CPM: variants seen among roughly 807,000 people sequenced by gnomAD.
CPM encodes carboxypeptidase M, also known as renal carboxypeptidase.
In CPM, 35 loss-of-function variants were observed where a neutral mutation model predicts 46.4. The ratio of observed to expected loss-of-function variants is 0.75; its 90% confidence interval spans 0.58 to 1.00. CPM has a LOEUF of 1.00. CPM is among the 50% of genes least tolerant of loss of function. The pLI is 0.00. For missense variants in CPM, 422 were observed against 530.4 expected, an observed-to-expected ratio of 0.80 and a Z score of 2.01; for synonymous variants, 195 against 195.3, an observed-to-expected ratio of 1.00 and a Z score of 0.01.
intron 1 of CPM, among the ~76,000 whole-genome samples, chr12:68,942,409 G>A (rs140680215): frequency 7.4e-4 from 113 of 152,264 alleles, no homozygotes; most frequent in African/African-American, 2.3e-3. Context: ...ATCAAAAAGC[G>A]TACCATAGGA....
At chr12:68,929,186 G>A (rs1469054498) in intron 2 of CPM, among the ~76,000 whole-genome samples, 3 of 152,102 alleles carry the variant, frequency 2.0e-5, no homozygotes, top group Middle Eastern at 3.2e-3. Context: ...TGTGTGTGGA[G>A]AGACTACCCT....
At chr12:68,904,030 G>A (rs1887233310) in intron 2 of CPM, among the ~76,000 whole-genome samples, 1 of 152,100 alleles carries the variant, frequency 6.6e-6, no homozygotes, top group Non-Finnish European at 1.5e-5. Context: ...GGGACCACAG[G>A]CATGCGCCAC....
In CPM at chr12:68,851,944, C is replaced by A. The variant is rs1365874372; in HGVS notation, c.*4493G>T. On this transcript the variant is annotated 3_prime_UTR_variant, in exon 9 of 9. Transcript: ENST00000551568. The stretch of plus-strand genomic sequence containing the variant: ...GTATTGTTACCATATAGAATAACAA[C>A]CAGACTTCTCAATAAGCAACTTATC... 6.6e-6 allele frequency: 1 copy of A among 152,138 alleles called. No homozygotes were observed. The highest frequency in any genetic ancestry group is 1.9e-4 in the East Asian group (1 of 5,188). 9.4% of individuals were successfully genotyped at this position (152,138 alleles called of 1,614,324 possible). A position where few individuals can be genotyped will look rare whatever the true frequency, so the allele number is the denominator to read the frequency against.
At chr12:68,846,242 C>G (rs957576534), downstream of CPM, 1 of 151,496 alleles carries the variant, frequency 6.6e-6, no homozygotes, top group African/African-American at 2.5e-5. Context: ...CGTGAGCCAC[C>G]GTGCCCGGCC....
chr12:68,896,949 G>A (rs1399238866), intron 2 of CPM, among the ~76,000 whole-genome samples: 1 of 151,564 alleles, frequency 6.6e-6, no homozygotes, highest in Non-Finnish European at 1.5e-5. Context: ...AAGCTGCATT[G>A]GGTTGCAATA....
At chr12:68,933,664 G>A (rs996783729), upstream of CPM, among the ~76,000 whole-genome samples, 1 of 152,168 alleles carries the variant, frequency 6.6e-6, no homozygotes, top group African/African-American at 2.4e-5. Context: ...GGGCGGCGTC[G>A]GCCCCGGCAG....
intron 2 of CPM, among the ~76,000 whole-genome samples, chr12:68,932,013 A>C (rs1298212800): frequency 6.6e-6 from 1 of 152,170 alleles, no homozygotes; most frequent in African/African-American, 2.4e-5. Context: ...AATCACTACT[A>C]ATATATATTC....
intron 7 of CPM, 34 bp downstream of exon 7, chr12:68,866,862 A>G (rs1269923548): frequency 1.9e-6 from 3 of 1,579,888 alleles, no homozygotes; most frequent in Non-Finnish European, 8.7e-7. Flanking sequence ...TCTATTTTGT[A>G]TTAATAGGGA....
At chr12:68,859,883 C>G (rs1452487725) in intron 7 of CPM, among the ~76,000 whole-genome samples, 1 of 152,152 alleles carries the variant, frequency 6.6e-6, no homozygotes. Flanking sequence ...CGTGTCACAT[C>G]TAGTTTGTTT....
At chr12:68,871,721 G>T in intron 4 of CPM, 63 bp downstream of exon 4, 1 of 1,564,998 alleles carries the variant, frequency 6.4e-7, no homozygotes, top group Non-Finnish European at 8.8e-7. Context: ...AGGCCAACAG[G>T]TGCCTGTCGG....
At chr12:68,904,251 A>C (rs564269736) in intron 2 of CPM, among the ~76,000 whole-genome samples, 46 of 152,262 alleles carry the variant, frequency 3.0e-4, no homozygotes, top group African/African-American at 1.1e-3. Context: ...AAGTCCAAAT[A>C]ATTACAAGAA....
intron 2 of CPM, among the ~76,000 whole-genome samples, chr12:68,926,109 G>A (rs1226303211): frequency 6.6e-6 from 1 of 151,978 alleles, no homozygotes; most frequent in Admixed American, 6.6e-5. Context: ...GTAGAGATGG[G>A]GTTTTGCCAT....
chr12:68,916,393 TA>T (rs1450503601), intron 2 of CPM, among the ~76,000 whole-genome samples: 8 of 152,178 alleles, frequency 5.3e-5, no homozygotes, highest in African/African-American at 1.9e-4. Context: ...GACATAAAAA[TA>T]AATTCACTTG....
chr12:68,947,705 C>A (rs754461679), intron 1 of CPM, among the ~76,000 whole-genome samples: 16 of 151,814 alleles, frequency 1.1e-4, no homozygotes, highest in Non-Finnish European at 1.8e-4. Context: ...AATGCAGTTG[C>A]ACAATCAGGG....
At chr12:68,921,944 T>C (rs1361761803) in intron 2 of CPM, among the ~76,000 whole-genome samples, 2 of 152,210 alleles carry the variant, frequency 1.3e-5, no homozygotes, top group Non-Finnish European at 2.9e-5. Flanking sequence ...ATATGTTTCA[T>C]TTAATAAGCA....
chr12:68,951,239 C>T (rs1477877352), intron 1 of CPM, among the ~76,000 whole-genome samples: 1 of 152,202 alleles, frequency 6.6e-6, no homozygotes, highest in Admixed American at 6.5e-5. Flanking sequence ...AAATAAAAAT[C>T]ACTTAACAAT....
intron 2 of CPM, among the ~76,000 whole-genome samples, chr12:68,902,849 T>C (rs912975971): frequency 6.6e-6 from 1 of 152,202 alleles, no homozygotes; most frequent in African/African-American, 2.4e-5. Context: ...CAGAGGCAAC[T>C]GATGTTTACC....
intron 1 of CPM, among the ~76,000 whole-genome samples, chr12:68,946,604 T>C (rs1414992367): frequency 6.6e-6 from 1 of 152,208 alleles, no homozygotes; most frequent in African/African-American, 2.4e-5. Flanking sequence ...TCCAAGGAAT[T>C]TTTATCAGCT....
chr12:68,874,824 G>A (rs902787151), intron 3 of CPM, among the ~76,000 whole-genome samples: 4 of 152,138 alleles, frequency 2.6e-5, no homozygotes, highest in Non-Finnish European at 5.9e-5. Flanking sequence ...GAGAGGAAGT[G>A]ATATCAGAAT....
Sources: gnomAD v4.1 joint callset for allele counts (sites outside exome capture counted in the v4.1 genomes callset) on GRCh38, gnomAD v4.1.1 for gene constraint, MANE v1.5 for transcripts, NCBI Gene and HGNC (gene_info 2026-07-23, HGNC 2026-07-21) for gene names.